The following CCNH variants were observed in gnomAD, a reference collection of about 807,000 sequenced individuals.
The protein encoded by CCNH is cyclin-H.
In CCNH, 31 loss-of-function variants were observed where a neutral mutation model predicts 41.9. The ratio of observed to expected loss-of-function variants is 0.74; its 90% confidence interval spans 0.56 to 1.00. CCNH has a LOEUF of 1.00. Ranked by LOEUF, CCNH falls within the 50% of genes least tolerant of loss-of-function variation. The probability of loss-of-function intolerance (pLI) is 0.00; values close to 1 mark genes in which losing one functional copy is unlikely to be tolerated. For synonymous variants in CCNH, 138 were observed against 136.1 expected, an observed-to-expected ratio of 1.01 and a Z score of -0.10; for missense variants, 362 against 388.4, an observed-to-expected ratio of 0.93 and a Z score of 0.57.
chr5:87,331,341 C>A (rs1318392563), intron 9 of CCNH: 1 of 1,596,354 alleles, frequency 6.3e-7, no homozygotes. Context: ...CTCTGTTTTT[C>A]CCCTAGGTGG....
chr5:87,352,641 T>G (rs1011996939), intron 9 of CCNH, among the ~76,000 whole-genome samples: 3 of 151,876 alleles, frequency 2.0e-5, no homozygotes, highest in Non-Finnish European at 4.4e-5. Flanking sequence ...TAATCCTACA[T>G]GTAAGATTAG....
chr5:87,391,685 ATGT>A (rs1182935401), downstream of CCNH: 1 of 232,744 alleles, frequency 4.3e-6, no homozygotes, highest in Non-Finnish European at 8.5e-6. Context: ...AATTTCTTTT[ATGT>A]TAACTAGAAT....
chr5:87,390,917 C>T (rs747965493), downstream of CCNH: 1 of 1,550,730 alleles, frequency 6.4e-7, no homozygotes, highest in East Asian at 2.2e-5. Flanking sequence ...ATGGATTCAG[C>T]ATGTCCAACA....
chr5:87,401,989 C>T (rs1763457088), intron 5 of CCNH, among the ~76,000 whole-genome samples: 2 of 152,142 alleles, frequency 1.3e-5, no homozygotes, highest in Admixed American at 1.3e-4. Context: ...TCAGGTACAA[C>T]CTTTCAGAGG....
Position 87,394,396 on chromosome 5 carries a change from G to C in CCNH, c.*50C>G. On this transcript the variant is annotated 3_prime_UTR_variant, in exon 9 of 9. Coordinates refer to ENST00000256897, the MANE Select transcript of CCNH (RefSeq NM_001239.4). ...TTAAATAAAGTTAAACGTTTGATATGCTTCCTACTTCTCTTGATTAGTTAG... is the reference window on the plus strand; with the variant it reads ...TTAAATAAAGTTAAACGTTTGATATCCTTCCTACTTCTCTTGATTAGTTAG... The C allele has an allele frequency of 6.3e-7, 1 of 1,590,198 alleles. No individual in the cohort carries two copies. Among genetic ancestry groups the C allele is most frequent in the Non-Finnish European group, 8.6e-7 (1 of 1,166,496 alleles).
chr5:87,374,253 G>T, downstream of CCNH: 1 of 1,600,284 alleles, frequency 6.2e-7, no homozygotes, highest in Non-Finnish European at 8.5e-7. Context: ...CCTGAATAGT[G>T]TCCAAGTAGC....
intron 9 of CCNH, chr5:87,383,602 T>C (rs1761874366): frequency 5.1e-6 from 4 of 781,248 alleles, no homozygotes; most frequent in Non-Finnish European, 8.1e-6. Context: ...TTAGAGTGAA[T>C]TTTATGGGTT....
At chr5:87,386,919 T>C (rs1762100646), downstream of CCNH, 1 of 1,599,444 alleles carries the variant, frequency 6.3e-7, no homozygotes, top group Non-Finnish European at 8.6e-7. Flanking sequence ...TATATAGTTT[T>C]CAGGTACTTT....
intron 9 of CCNH, among the ~76,000 whole-genome samples, chr5:87,341,640 C>G (rs1048012795): frequency 1.3e-5 from 2 of 152,052 alleles, no homozygotes; most frequent in African/African-American, 4.8e-5. Flanking sequence ...CTTGGTTATT[C>G]ATAGTATTTC....
chr5:87,395,369 A>G (rs953109032), intron 7 of CCNH, among the ~76,000 whole-genome samples: 4 of 151,330 alleles, frequency 2.6e-5, no homozygotes, highest in Middle Eastern at 3.7e-3. Context: ...AGAGTGTGAA[A>G]AAATAGGAGC....
At chr5:87,348,064 T>TC (rs1394258672) in intron 9 of CCNH, among the ~76,000 whole-genome samples, 2 of 152,034 alleles carry the variant, frequency 1.3e-5, no homozygotes, top group African/African-American at 2.4e-5. Flanking sequence ...CCTATCATAT[T>TC]CTAGAAGAAA....
intron 1 of CCNH, 28 bp downstream of exon 1, chr5:87,412,650 A>T: frequency 6.2e-7 from 1 of 1,612,076 alleles, no homozygotes; most frequent in Non-Finnish European, 8.5e-7. Flanking sequence ...GTGACCGGGC[A>T]ACTGGGCAAC....
In CCNH at chr5:87,411,533, A is replaced by C. The variant is rs1000638951; in HGVS notation, c.118-187T>G. ...CTGTAGGAAAATATTTAATAAACTA[A>C]AACTGTACCATCATTTCACGACTTT... On this transcript the variant is annotated intron_variant, in intron 1 of 8. Transcript: ENST00000256897. 1.2e-4 allele frequency among the ~76,000 whole-genome samples: 18 copies of C among 152,236 alleles called. 1 individual carries two copies. The highest frequency in any genetic ancestry group is 9.8e-4 in the Admixed American group (15 of 15,288).
At chr5:87,393,866 G>GTT (rs1279948282), downstream of CCNH, 4 of 152,200 alleles carry the variant, frequency 2.6e-5, no homozygotes, top group Non-Finnish European at 4.4e-5. Flanking sequence ...TAGCGTAAGA[G>GTT]TTTGATGTAG....
intron 9 of CCNH, among the ~76,000 whole-genome samples, chr5:87,359,412 T>C (rs547446794): frequency 2.0e-5 from 3 of 152,342 alleles, no homozygotes; most frequent in African/African-American, 7.2e-5. Context: ...TGAAAAGTGA[T>C]GTTGTGTTTT....
chr5:87,407,462 AAAC>A (rs1349304687), intron 4 of CCNH, among the ~76,000 whole-genome samples: 1 of 152,226 alleles, frequency 6.6e-6, no homozygotes, highest in Non-Finnish European at 1.5e-5. Flanking sequence ...GAGCCAAACA[AAAC>A]AACTTAAAAA....
chr5:87,390,650 T>C (rs1762442658), downstream of CCNH: 9 of 711,604 alleles, frequency 1.3e-5, no homozygotes, highest in African/African-American at 7.1e-5. Context: ...AGCCAATGAC[T>C]GAATAATAGA....
chr5:87,319,333 A>AT lies in CCNH; in HGVS notation c.*91-437dup, dbSNP rs563150351. Among the ~76,000 whole-genome samples, 387 of 152,270 alleles carry AT rather than the reference A, an allele frequency of 2.5e-3. 1 individual carries two copies. The highest frequency in any genetic ancestry group is 8.8e-3 in the African/African-American group (365 of 41,558). On this transcript the variant is annotated intron_variant and NMD_transcript_variant, in intron 9 of 9. Coordinates refer to the CCNH transcript ENST00000645953. ...CTCTCTGTGAGGGTTCCAGTCCCAC[A>AT]TTTCCCCCTCTGCACTGCCCTAGTA...
At chr5:87,389,255 C>T (rs577979133), downstream of CCNH, 108 of 1,067,770 alleles carry the variant, frequency 1.0e-4, no homozygotes, top group South Asian at 9.2e-4. Context: ...CGCTTGAACC[C>T]GGGAGGCGGA....
Sources: allele counts gnomAD v4.1 joint callset (sites outside exome capture counted in the v4.1 genomes callset), GRCh38; gene constraint gnomAD v4.1.1; transcripts MANE v1.5; gene names NCBI Gene and HGNC (gene_info 2026-07-23, HGNC 2026-07-21).